Variants in PCSK2 observed in about 807,000 individuals in gnomAD.
The protein encoded by PCSK2 is proprotein convertase subtilisin/kexin type 2.
In PCSK2, 14 loss-of-function variants were observed where a neutral mutation model predicts 69.7. The observed-to-expected ratio is 0.20, with a 90% CI of 0.13 to 0.31. The LOEUF (loss-of-function observed/expected upper bound fraction) is 0.31. Among genes scored for constraint, PCSK2 ranks in the 10% least tolerant of loss-of-function variants. PCSK2 has a pLI of 1.00. For synonymous variants in PCSK2, 307 were observed against 320.7 expected (o/e 0.96, Z 0.46); for missense variants, 544 against 842.5 (o/e 0.65, Z 4.39).
At chr20:17,301,840 A>C (rs1032695908) in intron 2 of PCSK2, among the ~76,000 whole-genome samples, 1 of 152,094 alleles carries the variant, frequency 6.6e-6, no homozygotes, top group Non-Finnish European at 1.5e-5. Context: ...CTGAGGCGGG[A>C]GAATTGCTTG....
intron 5 of PCSK2, among the ~76,000 whole-genome samples, chr20:17,388,870 A>T (rs192368189): frequency 1.3e-5 from 2 of 152,284 alleles, no homozygotes; most frequent in African/African-American, 4.8e-5. Context: ...TATATTTAGT[A>T]ACAGTATCAC....
chr20:17,315,728 T>A (rs564507797), intron 2 of PCSK2, among the ~76,000 whole-genome samples: 29 of 152,312 alleles, frequency 1.9e-4, no homozygotes, highest in African/African-American at 5.8e-4. Context: ...AAGAGAAGCC[T>A]GGCTTGGGGG....
intron 8 of PCSK2, among the ~76,000 whole-genome samples, chr20:17,443,374 T>C (rs1177025828): frequency 6.6e-6 from 1 of 152,186 alleles, no homozygotes; most frequent in East Asian, 1.9e-4. Flanking sequence ...CCTGTTTCAA[T>C]GCCTGGTCTC....
chr20:17,435,573 T>A (rs1489500881), intron 7 of PCSK2, among the ~76,000 whole-genome samples: 1 of 152,132 alleles, frequency 6.6e-6, no homozygotes, highest in East Asian at 1.9e-4. Context: ...GAGTGAGGCT[T>A]GTGAAATAGT....
At chr20:17,285,685 AG>A (rs1174916522) in intron 2 of PCSK2, among the ~76,000 whole-genome samples, 19 of 152,374 alleles carry the variant, frequency 1.2e-4, no homozygotes, top group African/African-American at 4.3e-4. Flanking sequence ...CAAAGCTCAG[AG>A]GAAGTGCCAA....
intron 2 of PCSK2, among the ~76,000 whole-genome samples, chr20:17,332,893 C>T (rs1381181726): frequency 2.6e-5 from 4 of 152,096 alleles, no homozygotes; most frequent in Non-Finnish European, 5.9e-5. Context: ...CAAGAGAATC[C>T]TACCTTATTT....
chr20:17,451,974 A>AGT (rs1418057528), intron 8 of PCSK2, among the ~76,000 whole-genome samples: 2 of 136,144 alleles, frequency 1.5e-5, no homozygotes, highest in East Asian at 4.3e-4. Context: ...GCTGGAGTGC[A>AGT]GTGGCACAAT....
chr20:17,238,519 A>G (rs1355028482), intron 1 of PCSK2, among the ~76,000 whole-genome samples: 4 of 152,190 alleles, frequency 2.6e-5, no homozygotes, highest in South Asian at 2.1e-4. Context: ...CTATGTTTGT[A>G]TGCTTAACTA....
rs571062427 is a variant in PCSK2, at chr20:17,480,906, C to T, written c.1431-678C>T. Reference sequence around the variant, plus strand: ...CCCTGCACGCAGGCTGTGCAGGCTTCCACGGAGGTGGGAGGAAGCCCAGGG... The same window carrying T: ...CCCTGCACGCAGGCTGTGCAGGCTTTCACGGAGGTGGGAGGAAGCCCAGGG... On this transcript the variant is annotated intron_variant, in intron 11 of 11. Coordinates refer to ENST00000262545, the MANE Select transcript of PCSK2 (RefSeq NM_002594.5). Among the ~76,000 whole-genome samples the T allele has an allele frequency of 2.6e-5, 4 of 152,274 alleles. No homozygotes were observed. In the South Asian group the frequency reaches 8.3e-4, roughly 32 times the overall value.
chr20:17,335,945 A>G (rs557771152), intron 2 of PCSK2, among the ~76,000 whole-genome samples: 43 of 151,016 alleles, frequency 2.8e-4, no homozygotes, highest in African/African-American at 8.5e-4. Context: ...GGCTGGTTCC[A>G]TATTTTTGCA....
chr20:17,411,604 A>T (rs1395333561), intron 6 of PCSK2, among the ~76,000 whole-genome samples: 1 of 152,218 alleles, frequency 6.6e-6, no homozygotes, highest in Non-Finnish European at 1.5e-5. Context: ...GCTGGAAAAA[A>T]GGAGCAGAAG....
At chr20:17,260,402 A>AG (rs1284247139) in intron 2 of PCSK2, 58 bp downstream of exon 2, 3 of 1,213,384 alleles carry the variant, frequency 2.5e-6, no homozygotes, top group Non-Finnish European at 3.7e-6. Context: ...GAGCCCACCA[A>AG]GGGGGTGTGG....
At chr20:17,363,982 G>C (rs1300119816) in intron 4 of PCSK2, among the ~76,000 whole-genome samples, 2 of 152,116 alleles carry the variant, frequency 1.3e-5, no homozygotes, top group East Asian at 3.9e-4. Context: ...TTCCTGGTGA[G>C]ACTTTATGAA....
At chr20:17,338,413 T>G (rs1990419263) in intron 2 of PCSK2, among the ~76,000 whole-genome samples, 1 of 152,088 alleles carries the variant, frequency 6.6e-6, no homozygotes, top group Admixed American at 6.5e-5. Context: ...GTCAGACTGG[T>G]CTTGAACTCC....
chr20:17,246,355 G>A (rs1986771228), intron 1 of PCSK2, among the ~76,000 whole-genome samples: 2 of 152,180 alleles, frequency 1.3e-5, no homozygotes, highest in South Asian at 2.1e-4. Flanking sequence ...CCACTTGGCT[G>A]TGGGTTGGAG....
intron 11 of PCSK2, among the ~76,000 whole-genome samples, chr20:17,476,199 G>A (rs1478901674): frequency 2.6e-5 from 4 of 152,178 alleles, no homozygotes; most frequent in Admixed American, 6.5e-5. Context: ...CCTAGAGCCT[G>A]TGAGCCGGGA....
At chr20:17,292,547 A>G (rs1362021373) in intron 2 of PCSK2, among the ~76,000 whole-genome samples, 1 of 152,186 alleles carries the variant, frequency 6.6e-6, no homozygotes, top group South Asian at 2.1e-4. Context: ...GATTGTTTGA[A>G]TTTATTATAT....
At chr20:17,282,912 T>G (rs1266886855) in intron 2 of PCSK2, among the ~76,000 whole-genome samples, 1 of 152,328 alleles carries the variant, frequency 6.6e-6, no homozygotes, top group East Asian at 1.9e-4. Flanking sequence ...CTTTAGTTTC[T>G]TATTTCTCTA....
chr20:17,413,433 A>G (rs1600560250), intron 6 of PCSK2, among the ~76,000 whole-genome samples: 1 of 152,240 alleles, frequency 6.6e-6, no homozygotes, highest in African/African-American at 2.4e-5. Flanking sequence ...AAAGAGACAA[A>G]GAAGACCATT....
Sources: allele counts gnomAD v4.1 joint callset (sites outside exome capture counted in the v4.1 genomes callset), GRCh38; gene constraint gnomAD v4.1.1; transcripts MANE v1.5; gene names NCBI Gene and HGNC (gene_info 2026-07-23, HGNC 2026-07-21).